Variants in LSAMP observed in about 807,000 individuals in gnomAD.
LSAMP encodes limbic system associated membrane protein.
Under a neutral mutation model 38.6 loss-of-function variants are expected in LSAMP, and 7 were observed. The observed-to-expected ratio is 0.18, with a 90% CI of 0.10 to 0.34. The LOEUF is 0.34. Ranked by LOEUF, LSAMP falls within the 10% of genes least tolerant of loss-of-function variation. The pLI is 1.00. For synonymous variants in LSAMP, 154 were observed against 166.8 expected (o/e 0.92, Z 0.59); for missense variants, 313 against 420.0 (o/e 0.75, Z 2.23).
chr3:115,930,911 T>G (rs1401209661), intron 3 of LSAMP, among the ~76,000 whole-genome samples: 4 of 152,206 alleles, frequency 2.6e-5, no homozygotes, highest in African/African-American at 9.7e-5. Context: ...TTACTTTTAT[T>G]TTTTCTATCA....
chr3:116,325,723 G>T (rs1407741896), intron 1 of LSAMP, among the ~76,000 whole-genome samples: 1 of 152,042 alleles, frequency 6.6e-6, no homozygotes, highest in African/African-American at 2.4e-5. Flanking sequence ...GAGTTTTAGG[G>T]TTTAAGTAAC....
chr3:116,272,461 A>C (rs2046987165), intron 1 of LSAMP, among the ~76,000 whole-genome samples: 1 of 152,170 alleles, frequency 6.6e-6, no homozygotes, highest in Admixed American at 6.6e-5. Context: ...ATGGCTTGAG[A>C]AGTAGCAGTT....
chr3:116,072,979 T>G (rs1429252178), intron 2 of LSAMP, among the ~76,000 whole-genome samples: 1 of 152,166 alleles, frequency 6.6e-6, no homozygotes, highest in African/African-American at 2.4e-5. Flanking sequence ...AAATCTTTGC[T>G]TCTGCCTATG....
At chr3:115,854,803 G>A (rs1390263432) in intron 3 of LSAMP, among the ~76,000 whole-genome samples, 1 of 152,148 alleles carries the variant, frequency 6.6e-6, no homozygotes, top group African/African-American at 2.4e-5. Flanking sequence ...TACCCTGAAG[G>A]CTAATGGCAA....
intron 3 of LSAMP, among the ~76,000 whole-genome samples, chr3:115,949,805 A>C (rs9857782): frequency 0.78 from 117,729 of 151,774 alleles, 48,780 homozygotes; most frequent in East Asian, 0.98. Context: ...AAAACTACAG[A>C]TCAGTATCGC....
intron 1 of LSAMP, among the ~76,000 whole-genome samples, chr3:116,225,927 C>T (rs1039893070): frequency 2.0e-5 from 3 of 152,180 alleles, no homozygotes; most frequent in Non-Finnish European, 2.9e-5. Flanking sequence ...CTTTAAACCT[C>T]ATAGTTTTCA....
intron 1 of LSAMP, among the ~76,000 whole-genome samples, chr3:116,206,164 C>G (rs949497089): frequency 1.3e-5 from 2 of 149,548 alleles, no homozygotes; most frequent in South Asian, 4.3e-4. Context: ...TTATCCATTT[C>G]TTCTAGATTT....
intron 3 of LSAMP, among the ~76,000 whole-genome samples, chr3:115,870,776 T>C (rs1936011048): frequency 1.3e-5 from 2 of 152,150 alleles, no homozygotes; most frequent in African/African-American, 4.8e-5. Context: ...TCCTGAGACT[T>C]TCTAGGGAAG....
At chr3:116,358,421 C>T (rs923998352) in intron 1 of LSAMP, among the ~76,000 whole-genome samples, 5 of 151,886 alleles carry the variant, frequency 3.3e-5, no homozygotes, top group Non-Finnish European at 7.4e-5. Context: ...AGTCTAGATG[C>T]CTTGGGAACA....
At chr3:115,860,953 G>T (rs1935659986) in intron 3 of LSAMP, among the ~76,000 whole-genome samples, 1 of 152,088 alleles carries the variant, frequency 6.6e-6, no homozygotes, top group African/African-American at 2.4e-5. Context: ...GCTATGTGAG[G>T]TACCACTACA....
intron 1 of LSAMP, among the ~76,000 whole-genome samples, chr3:116,230,857 C>T (rs989909569): frequency 1.3e-4 from 20 of 152,010 alleles, no homozygotes; most frequent in African/African-American, 4.1e-4. Context: ...AGATGAATTG[C>T]CTTCAGTTAA....
intron 1 of LSAMP, among the ~76,000 whole-genome samples, chr3:116,173,298 CACT>C (rs1291133297): frequency 1.3e-5 from 2 of 152,008 alleles, no homozygotes; most frequent in Non-Finnish European, 2.9e-5. Context: ...GGGTAAATCC[CACT>C]ACATTTGTTT....
intron 1 of LSAMP, among the ~76,000 whole-genome samples, chr3:116,184,669 A>G (rs1710568947): frequency 6.6e-6 from 1 of 151,944 alleles, no homozygotes; most frequent in African/African-American, 2.4e-5. Flanking sequence ...ATTGCTTGCT[A>G]ACAGACTCAG....
At chr3:116,044,749 C>T (rs1941252466) in intron 2 of LSAMP, among the ~76,000 whole-genome samples, 1 of 152,106 alleles carries the variant, frequency 6.6e-6, no homozygotes, top group South Asian at 2.1e-4. Flanking sequence ...CCCAGCTGGC[C>T]AGACCTCCAA....
At chr3:115,869,290 G>GAGAGAGAGAGAGAGAGAGAGAA (rs1935955344) in intron 3 of LSAMP, among the ~76,000 whole-genome samples, 2 of 151,836 alleles carry the variant, frequency 1.3e-5, no homozygotes, top group African/African-American at 4.8e-5. Flanking sequence ...GAGAGAGAGA[G>GAGAGAGAGAGAGAGAGAGAGAA]AGAGAGAGAG....
At chr3:116,281,503 T>G (rs1393822339) in intron 1 of LSAMP, among the ~76,000 whole-genome samples, 1 of 152,190 alleles carries the variant, frequency 6.6e-6, no homozygotes, top group Non-Finnish European at 1.5e-5. Context: ...ACGTGGTAGT[T>G]AGAAGGTGCA....
At chr3:116,204,468 T>C (rs868771212) in intron 1 of LSAMP, among the ~76,000 whole-genome samples, 21 of 152,180 alleles carry the variant, frequency 1.4e-4, no homozygotes, top group Middle Eastern at 3.4e-3. Flanking sequence ...AGACATGAAG[T>C]CCTTGCCCAT....
At chr3:115,858,027 A>G (rs751018384) in intron 3 of LSAMP, among the ~76,000 whole-genome samples, 3 of 152,130 alleles carry the variant, frequency 2.0e-5, no homozygotes, top group Non-Finnish European at 4.4e-5. Context: ...TATAAGGTCA[A>G]CCAGGCATTT....
intron 3 of LSAMP, among the ~76,000 whole-genome samples, chr3:115,965,140 A>G (rs1456834105): frequency 6.6e-6 from 1 of 152,110 alleles, no homozygotes; most frequent in Non-Finnish European, 1.5e-5. Flanking sequence ...ACTTATAAAT[A>G]TTAGGCAAGT....
Sources: allele counts gnomAD v4.1 joint callset (sites outside exome capture counted in the v4.1 genomes callset), GRCh38; gene constraint gnomAD v4.1.1; transcripts MANE v1.5; gene names NCBI Gene and HGNC (gene_info 2026-07-23, HGNC 2026-07-21).